Variants in TLE1 observed in about 807,000 individuals in gnomAD.
The protein encoded by TLE1 is transducin-like enhancer protein 1.
Under a neutral mutation model 89.8 loss-of-function variants are expected in TLE1, and 21 were observed. The ratio of observed to expected loss-of-function variants is 0.23; its 90% CI spans 0.17 to 0.34. TLE1 has a LOEUF of 0.34. TLE1 is among the 10% of genes least tolerant of loss of function. The pLI is 1.00. For missense variants in TLE1, 795 were observed against 1,031.2 expected (o/e 0.77, Z 3.14); for synonymous variants, 447 against 407.6 (o/e 1.10, Z -1.16).
At chr9:81,613,260 G>A (rs1416538600) in intron 12 of TLE1, 117 bp downstream of exon 12, 2 of 1,380,414 alleles carry the variant, frequency 1.4e-6, no homozygotes, top group Admixed American at 2.6e-5. Context: ...TAGGAAGGAG[G>A]GTGGCCCTAC....
chr9:81,622,288 G>A (rs114350325), intron 8 of TLE1, among the ~76,000 whole-genome samples: 2,544 of 152,170 alleles, frequency 0.017, 87 homozygotes, highest in African/African-American at 0.057. Flanking sequence ...CTTTAAATCC[G>A]CCCAAGTGCC....
chr9:81,610,354 C>T (rs1403040179), intron 13 of TLE1, 58 bp from the exon 14 acceptor site: 2 of 1,279,778 alleles, frequency 1.6e-6, no homozygotes, highest in Admixed American at 3.6e-5. Context: ...ACTTTGTGAA[C>T]ATCAATACTG....
intron 6 of TLE1, among the ~76,000 whole-genome samples, chr9:81,640,867 C>T (rs1208836004): frequency 6.6e-6 from 1 of 152,166 alleles, no homozygotes; most frequent in Non-Finnish European, 1.5e-5. Flanking sequence ...GGCCAATGCC[C>T]ACCTTCTCCT....
At chr9:81,588,828 T>C (rs185982105) in intron 16 of TLE1, among the ~76,000 whole-genome samples, 3 of 152,252 alleles carry the variant, frequency 2.0e-5, no homozygotes, top group Admixed American at 2.0e-4. Flanking sequence ...ATTTCAACAC[T>C]GAGAAGAAAG....
intron 14 of TLE1, among the ~76,000 whole-genome samples, chr9:81,600,884 G>A (rs1376299503): frequency 6.6e-6 from 1 of 152,164 alleles, no homozygotes; most frequent in Admixed American, 6.5e-5. Flanking sequence ...CCCTTCACTT[G>A]AGCTGGAACA....
chr9:81,624,472 C>CT (rs1825676112), intron 8 of TLE1, among the ~76,000 whole-genome samples: 1 of 152,158 alleles, frequency 6.6e-6, no homozygotes, highest in South Asian at 2.1e-4. Flanking sequence ...AGAGTCTATA[C>CT]TTTGAAAGAT....
At chr9:81,687,204 G>A (rs1434537633) in intron 2 of TLE1, 130 bp downstream of exon 2, 4 of 676,838 alleles carry the variant, frequency 5.9e-6, no homozygotes, top group African/African-American at 3.6e-5. Context: ...TTGAATGACA[G>A]GTCTTAACTG....
At chr9:81,675,890 G>A (rs564483565) in intron 4 of TLE1, among the ~76,000 whole-genome samples, 41 of 151,870 alleles carry the variant, frequency 2.7e-4, no homozygotes, top group African/African-American at 8.7e-4. Flanking sequence ...CAGCAGAGAC[G>A]GGGTTTCACC....
At chr9:81,635,230 T>A (rs1486142897) in intron 6 of TLE1, among the ~76,000 whole-genome samples, 1 of 152,036 alleles carries the variant, frequency 6.6e-6, no homozygotes, top group Non-Finnish European at 1.5e-5. Flanking sequence ...CCTACCAAGC[T>A]CCACAACTCA....
chr9:81,688,068 AG>A (rs1834589038), intron 1 of TLE1, 148 bp downstream of exon 1: 3 of 951,866 alleles, frequency 3.2e-6, no homozygotes, highest in Admixed American at 2.5e-5. Context: ...TCCCCACCCC[AG>A]GAAGAGAGGG....
intron 8 of TLE1, among the ~76,000 whole-genome samples, chr9:81,628,424 G>A (rs1265451968): frequency 3.9e-5 from 6 of 152,156 alleles, no homozygotes; most frequent in African/African-American, 9.7e-5. Flanking sequence ...GGGAATGAAC[G>A]TGATTTTTCT....
intron 4 of TLE1, 32 bp from the exon 5 acceptor site, chr9:81,654,068 A>C (rs941139495): frequency 5.0e-6 from 8 of 1,606,944 alleles, no homozygotes; most frequent in Non-Finnish European, 6.8e-6. Flanking sequence ...AATGTTTAGA[A>C]TACTTCACAA....
chr9:81,679,327 T>C (rs975118788), intron 4 of TLE1, among the ~76,000 whole-genome samples: 1 of 152,074 alleles, frequency 6.6e-6, no homozygotes. Context: ...TTTTTTCCCC[T>C]GTGGACCCTG....
At chr9:81,618,128 C>A (rs916966847) in intron 9 of TLE1, among the ~76,000 whole-genome samples, 2 of 152,276 alleles carry the variant, frequency 1.3e-5, no homozygotes, top group African/African-American at 4.8e-5. Flanking sequence ...GTCTCATGTC[C>A]TTTAGGGCAG....
chr9:81,688,162 G>C (rs1255320332), intron 1 of TLE1, 55 bp downstream of exon 1: 1 of 1,598,022 alleles, frequency 6.3e-7, no homozygotes, highest in Non-Finnish European at 8.5e-7. Flanking sequence ...TACCGCCCGG[G>C]AGAAGCGCCT....
intron 6 of TLE1, among the ~76,000 whole-genome samples, chr9:81,644,451 A>C (rs1490331558): frequency 6.6e-6 from 1 of 152,222 alleles, no homozygotes; most frequent in Non-Finnish European, 1.5e-5. Flanking sequence ...TAAGTAAAAG[A>C]AGCCAGGCAT....
intron 14 of TLE1, 88 bp downstream of exon 14, chr9:81,610,132 C>A: frequency 3.3e-6 from 4 of 1,195,976 alleles, no homozygotes; most frequent in Non-Finnish European, 4.9e-6. Flanking sequence ...AACGCCCAAG[C>A]CTGTACTCCC....
At chr9:81,584,373 G>T (rs1564096397) in intron 19 of TLE1, 68 bp from the exon 20 acceptor site, 2 of 1,609,026 alleles carry the variant, frequency 1.2e-6, no homozygotes, top group Non-Finnish European at 1.7e-6. Context: ...TGCTCCCTCG[G>T]AGGCACCTTC....
At chr9:81,641,927 CAGG>C in intron 6 of TLE1, among the ~76,000 whole-genome samples, 1 of 152,246 alleles carries the variant, frequency 6.6e-6, no homozygotes, top group South Asian at 2.1e-4. Context: ...GAGGTTGAGG[CAGG>C]AGAATTGCTT....
Sources: allele counts gnomAD v4.1 joint callset (sites outside exome capture counted in the v4.1 genomes callset), GRCh38; gene constraint gnomAD v4.1.1; transcripts MANE v1.5; gene names NCBI Gene and HGNC (gene_info 2026-07-23, HGNC 2026-07-21).